CELF4: variants seen among roughly 807,000 people sequenced by gnomAD.
CELF4 encodes CUG-BP- and ETR-3-like factor 4.
A neutral mutation model predicts 59.9 loss-of-function variants in CELF4; 18 were observed. The observed-to-expected ratio is 0.30, with a 90% CI of 0.21 to 0.45. CELF4 has a LOEUF of 0.45. CELF4 is among the 20% of genes least tolerant of loss of function. The pLI, the probability that CELF4 is intolerant of heterozygous loss-of-function variation, is 1.00. For synonymous variants in CELF4, 261 were observed against 267.1 expected (o/e 0.98, Z 0.22); for missense variants, 456 against 689.0 (o/e 0.66, Z 3.79).
chr18:37,469,493 G>A (rs17682727), intron 2 of CELF4, among the ~76,000 whole-genome samples: 12,036 of 152,248 alleles, frequency 0.079, 525 homozygotes, highest in East Asian at 0.13. Context: ...TTCGTTTTAA[G>A]AGATTTCCTG....
intron 2 of CELF4, among the ~76,000 whole-genome samples, chr18:37,391,119 A>T (rs2099156897): frequency 6.6e-6 from 1 of 151,802 alleles, no homozygotes; most frequent in Non-Finnish European, 1.5e-5. Context: ...ACAGGGATGG[A>T]CCCCCTGGGG....
At chr18:37,341,357 G>T (rs2098024471) in intron 2 of CELF4, among the ~76,000 whole-genome samples, 1 of 152,198 alleles carries the variant, frequency 6.6e-6, no homozygotes, top group Non-Finnish European at 1.5e-5. Flanking sequence ...AGTGGGAGTG[G>T]TCTGGGCCAC....
chr18:37,447,750 C>T (rs1165710688), intron 2 of CELF4, among the ~76,000 whole-genome samples: 1 of 152,196 alleles, frequency 6.6e-6, no homozygotes, highest in East Asian at 1.9e-4. Context: ...CCCTGGTGTT[C>T]GGGTTTGGGC....
intron 1 of CELF4, among the ~76,000 whole-genome samples, chr18:37,507,440 CT>C (rs1191248270): frequency 6.6e-6 from 1 of 152,228 alleles, no homozygotes; most frequent in Admixed American, 6.5e-5. Flanking sequence ...ATCCCCTGGC[CT>C]CCAGCGTCTC....
chr18:37,506,236 C>T (rs1360225590), intron 1 of CELF4, among the ~76,000 whole-genome samples: 3 of 152,200 alleles, frequency 2.0e-5, no homozygotes, highest in Admixed American at 6.5e-5. Flanking sequence ...AACTCTTGTA[C>T]ATGGAGTGTG....
At chr18:37,314,966 G>A (rs1052330943) in intron 3 of CELF4, among the ~76,000 whole-genome samples, 6 of 152,164 alleles carry the variant, frequency 3.9e-5, no homozygotes, top group South Asian at 2.1e-4. Context: ...GTTGTCGGCC[G>A]GTGGTTTCAT....
At chr18:37,405,928 C>T (rs1294715506) in intron 2 of CELF4, among the ~76,000 whole-genome samples, 1 of 152,140 alleles carries the variant, frequency 6.6e-6, no homozygotes, top group Non-Finnish European at 1.5e-5. Flanking sequence ...ACGAACCTAA[C>T]ATATATTTTA....
chr18:37,286,702 C>T (rs145746131), intron 3 of CELF4, among the ~76,000 whole-genome samples: 9 of 152,292 alleles, frequency 5.9e-5, no homozygotes, highest in Middle Eastern at 3.4e-3. Context: ...TTGTCTAACC[C>T]GGGAGGAGTC....
Position 37,259,180 on chromosome 18 carries a change from C to T in CELF4, c.1333+1G>A, listed in dbSNP as rs2072489734. On this transcript the variant is annotated splice_donor_variant, in intron 11 of 12. Coordinates refer to ENST00000420428, the MANE Select transcript of CELF4 (RefSeq NM_020180.4). LOFTEE classifies it high-confidence loss of function. The stretch of plus-strand genomic sequence containing the variant: ...AAACACTTTCGAGGAGATGACATTA[C>T]CGAAAGGGAGGAACATCTGCATCAG... The T allele has an allele frequency of 6.2e-7, 1 of 1,613,322 alleles. No individual in the cohort carries two copies. The highest frequency in any genetic ancestry group is 1.3e-5 in the African/African-American group (1 of 74,700).
intron 2 of CELF4, among the ~76,000 whole-genome samples, chr18:37,387,639 G>C (rs2099113625): frequency 6.6e-6 from 1 of 152,208 alleles, no homozygotes; most frequent in African/African-American, 2.4e-5. Flanking sequence ...TCTGGCCTCA[G>C]GAGGCTGGTG....
chr18:37,322,671 G>C (rs570332928), intron 2 of CELF4, among the ~76,000 whole-genome samples: 1 of 152,338 alleles, frequency 6.6e-6, no homozygotes, highest in East Asian at 1.9e-4. Context: ...AGGGCTCACC[G>C]GGAGGCACCA....
chr18:37,477,882 T>C (rs922102004), intron 2 of CELF4, among the ~76,000 whole-genome samples: 9 of 152,096 alleles, frequency 5.9e-5, no homozygotes, highest in Admixed American at 2.0e-4. Flanking sequence ...CCAAGCCACA[T>C]TGGGGCAGTG....
At chr18:37,270,263 G>A (rs1244418919) in intron 8 of CELF4, among the ~76,000 whole-genome samples, 1 of 152,184 alleles carries the variant, frequency 6.6e-6, no homozygotes, top group Non-Finnish European at 1.5e-5. Flanking sequence ...TGCTGATCAC[G>A]CTTTGCGTGC....
At chr18:37,318,718 G>C (rs994109138) in intron 3 of CELF4, among the ~76,000 whole-genome samples, 1 of 151,670 alleles carries the variant, frequency 6.6e-6, no homozygotes, top group African/African-American at 2.4e-5. Context: ...AGATATATGG[G>C]AGAAAGCCGA....
chr18:37,368,673 A>G (rs1272332333), intron 2 of CELF4, among the ~76,000 whole-genome samples: 1 of 152,126 alleles, frequency 6.6e-6, no homozygotes. Flanking sequence ...GCCTGACCCC[A>G]GGGTTTGGGG....
intron 2 of CELF4, among the ~76,000 whole-genome samples, chr18:37,469,771 T>C (rs1210151700): frequency 6.6e-6 from 1 of 152,180 alleles, no homozygotes; most frequent in African/African-American, 2.4e-5. Flanking sequence ...TTCCATTGAT[T>C]TATCTATCAG....
In CELF4 at chr18:37,484,706, G is replaced by A. The variant is rs540438372; in HGVS notation, c.369+819C>T. Among the ~76,000 whole-genome samples, 3 of 152,304 alleles carry A rather than the reference G, an allele frequency of 2.0e-5. No individual in the cohort carries two copies. In the South Asian group the frequency reaches 6.2e-4, roughly 32 times the overall value. On this transcript the variant is annotated intron_variant, in intron 2 of 12. Transcript: ENST00000420428. ...GAAATGGAAACGTGTGTTTACATAC[G>A]GTTGGCTTGGTAAGAATGTAAACAT...
In CELF4 at chr18:37,499,165, C is replaced by T. The variant is rs1360084521; in HGVS notation, c.287-13558G>A. Among the ~76,000 whole-genome samples, 3 of 152,014 alleles carry T rather than the reference C, an allele frequency of 2.0e-5. No homozygotes were observed. The East Asian group carries it at 5.8e-4, about 29-fold the overall frequency. On this transcript the variant is annotated intron_variant, in intron 1 of 12. Coordinates refer to ENST00000420428, the MANE Select transcript of CELF4 (RefSeq NM_020180.4). ...CAGCACAGGCCAGCATGTGTCGGGG[C>T]TCAGAACGACAGATGGTTTGCTTAG...
chr18:37,485,497 C>G, intron 2 of CELF4, 28 bp downstream of exon 2: 3 of 1,319,240 alleles, frequency 2.3e-6, no homozygotes, highest in Non-Finnish European at 2.9e-6. Context: ...GCGCGTCGGC[C>G]GCTTGCGCCA....
Sources: allele counts gnomAD v4.1 joint callset (sites outside exome capture counted in the v4.1 genomes callset), GRCh38; gene constraint gnomAD v4.1.1; transcripts MANE v1.5; gene names NCBI Gene and HGNC (gene_info 2026-07-23, HGNC 2026-07-21).